ERI1: variants seen among roughly 807,000 people sequenced by gnomAD.
The protein encoded by ERI1 is 3'-5' exoribonuclease 1.
A neutral mutation model predicts 39.7 loss-of-function variants in ERI1; 39 were observed. The observed-to-expected ratio is 0.98, with a 90% CI of 0.76 to 1.28. ERI1 has a LOEUF of 1.28. ERI1 is among the 50% of genes most tolerant of loss of function. The pLI is 0.00. For synonymous variants in ERI1, 204 were observed against 149.6 expected (o/e 1.36, Z -2.65); for missense variants, 581 against 416.9 (o/e 1.39, Z -3.43).
At position 9,031,340 on chromosome 8, in the gene ERI1, A is replaced by G. The variant is rs1295124408; in HGVS notation, c.*1306A>G. 4.6e-5 allele frequency: 7 copies of G among 152,216 alleles called. No individual in the cohort carries two copies. Among genetic ancestry groups the G allele is most frequent in the Non-Finnish European group, 7.3e-5 (5 of 68,042 alleles). 9.4% of individuals were successfully genotyped at this position (152,216 alleles called of 1,614,324 possible). A position where few individuals can be genotyped will look rare whatever the true frequency, so the allele number is the denominator to read the frequency against. On this transcript the variant is annotated 3_prime_UTR_variant, in exon 7 of 7. Coordinates refer to ENST00000250263, the MANE Select transcript of ERI1 (RefSeq NM_153332.4). Reference sequence around the variant, plus strand: ...ATAGGGCAGTAGATTTCTTAAGCCAATGAATTTCTGCTTTTCAGCAGTAGT... The same window carrying G: ...ATAGGGCAGTAGATTTCTTAAGCCAGTGAATTTCTGCTTTTCAGCAGTAGT...
chr8:9,095,488 GTTGTTGT>G (rs898649063), intron 3 of ERI1, among the ~76,000 whole-genome samples: 8 of 107,704 alleles, frequency 7.4e-5, no homozygotes, highest in African/African-American at 2.6e-4. Flanking sequence ...GTCTTTTGTT[GTTGTTGT>G]TTGTTTGTTT....
chr8:9,097,866 C>T (rs1563104295), intron 3 of ERI1, among the ~76,000 whole-genome samples: 1 of 151,824 alleles, frequency 6.6e-6, no homozygotes, highest in Non-Finnish European at 1.5e-5. Context: ...CTTAACAACC[C>T]AAATGCCCGT....
chr8:9,063,934 G>T (rs901586250), intron 3 of ERI1, among the ~76,000 whole-genome samples: 1 of 151,950 alleles, frequency 6.6e-6, no homozygotes, highest in Non-Finnish European at 1.5e-5. Flanking sequence ...GTGGAAGGTT[G>T]CCCATAGTGA....
At chr8:9,058,449 A>G (rs1216226298) in intron 3 of ERI1, among the ~76,000 whole-genome samples, 1 of 152,230 alleles carries the variant, frequency 6.6e-6, no homozygotes, top group Non-Finnish European at 1.5e-5. Flanking sequence ...GTGAGAATTC[A>G]GAAGGGGCAA....
intron 3 of ERI1, among the ~76,000 whole-genome samples, chr8:9,061,192 T>C (rs1262308748): frequency 6.6e-6 from 1 of 152,118 alleles, no homozygotes; most frequent in Non-Finnish European, 1.5e-5. Flanking sequence ...CTGCCATCAA[T>C]AAACTAAATG....
intron 6 of ERI1, among the ~76,000 whole-genome samples, chr8:9,026,671 C>T (rs1797185954): frequency 6.6e-6 from 1 of 152,110 alleles, no homozygotes; most frequent in Non-Finnish European, 1.5e-5. Flanking sequence ...ACTTTCTGGG[C>T]ACTGACATTG....
intron 3 of ERI1, among the ~76,000 whole-genome samples, chr8:9,015,722 C>CAAAAAAAA (rs758835506): frequency 0.058 from 3,295 of 56,460 alleles, 323 homozygotes; most frequent in Non-Finnish European, 0.079. Flanking sequence ...ACTCTGTCTC[C>CAAAAAAAA]AAAAAAAAAA....
At chr8:9,022,419 G>C (rs1422771503) in intron 6 of ERI1, among the ~76,000 whole-genome samples, 2 of 152,040 alleles carry the variant, frequency 1.3e-5, no homozygotes, top group Non-Finnish European at 2.9e-5. Flanking sequence ...ATTTGTCTTT[G>C]AGATGAAGTC....
chr8:9,040,693 TAATAA>T (rs1280092200), intron 3 of ERI1, among the ~76,000 whole-genome samples: 4 of 150,800 alleles, frequency 2.7e-5, no homozygotes, highest in Non-Finnish European at 4.4e-5. Flanking sequence ...TTTTGTATGT[TAATAA>T]AATGTTTTCA....
chr8:9,040,729 T>TG (rs5889257), intron 3 of ERI1, among the ~76,000 whole-genome samples: 1,668 of 148,182 alleles, frequency 0.011, 7 homozygotes, highest in Non-Finnish European at 0.013. Flanking sequence ...AGTGTGTGTG[T>TG]GGGGGGGGGG....
chr8:9,011,652 T>C lies in ERI1; in HGVS notation c.398T>C (p.Ile133Thr), dbSNP rs751515029. 1.9e-5 allele frequency: 30 copies of C among 1,613,540 alleles called. No homozygotes were observed. Among genetic ancestry groups the C allele is most frequent in the Non-Finnish European group, 2.5e-5 (29 of 1,179,660 alleles). The change falls in exon 3 of 7, where the codon ATT (isoleucine) becomes ACT (threonine). Residue 133 changes from isoleucine (I) to threonine (T), a missense_variant. Physicochemically the swap from Ile to Thr is moderately conservative, Grantham distance 89. Transcript: ENST00000250263. ...AGTTATTATGACTACATTTGTATTA[T>C]TGACTTTGAAGCCACTTGTGAAGAA... ...ADSYYDYICI[I>T]DFEATCEEGN...
chr8:9,085,502 C>G (rs1426363819), intron 3 of ERI1, among the ~76,000 whole-genome samples: 2 of 152,046 alleles, frequency 1.3e-5, no homozygotes, highest in Admixed American at 6.6e-5. Flanking sequence ...GCCACCGCGC[C>G]CGGCCCTACC....
At chr8:9,045,152 C>T (rs573023333) in intron 3 of ERI1, among the ~76,000 whole-genome samples, 16 of 144,692 alleles carry the variant, frequency 1.1e-4, no homozygotes, top group Middle Eastern at 3.8e-3. Flanking sequence ...AGGAGAATGG[C>T]GTGAACCAGG....
At chr8:9,098,138 C>A (rs1371325481) in intron 3 of ERI1, among the ~76,000 whole-genome samples, 1 of 152,204 alleles carries the variant, frequency 6.6e-6, no homozygotes, top group Non-Finnish European at 1.5e-5. Context: ...AATTCCAGCA[C>A]TTTGGGAGGC....
At chr8:9,093,675 C>T (rs1799782745) in intron 3 of ERI1, among the ~76,000 whole-genome samples, 1 of 152,206 alleles carries the variant, frequency 6.6e-6, no homozygotes, top group African/African-American at 2.4e-5. Flanking sequence ...TCTAGCAATT[C>T]TCCTTCCTCA....
chr8:9,065,629 A>T (rs1028504252), intron 3 of ERI1, among the ~76,000 whole-genome samples: 8 of 143,606 alleles, frequency 5.6e-5, no homozygotes, highest in African/African-American at 2.1e-4. Context: ...CGGGAGGCGG[A>T]GCTTGCAGTG....
At chr8:9,008,967 T>C (rs1259420379) in intron 2 of ERI1, 1 of 455,132 alleles carries the variant, frequency 2.2e-6, no homozygotes, top group East Asian at 6.9e-5. Context: ...ATTTCTAGAT[T>C]GTCTACATCA....
chr8:9,087,561 T>G (rs1306549033), intron 3 of ERI1, among the ~76,000 whole-genome samples: 1 of 152,062 alleles, frequency 6.6e-6, no homozygotes, highest in Non-Finnish European at 1.5e-5. Context: ...CTGCCCTTAT[T>G]TTTATTTTGA....
intron 3 of ERI1, among the ~76,000 whole-genome samples, chr8:9,070,125 G>C (rs1181272048): frequency 6.6e-6 from 1 of 151,986 alleles, no homozygotes; most frequent in Non-Finnish European, 1.5e-5. Flanking sequence ...TGTAATCCCA[G>C]CTACTCTGGA....
Sources: allele counts gnomAD v4.1 joint callset (sites outside exome capture counted in the v4.1 genomes callset), GRCh38; gene constraint gnomAD v4.1.1; transcripts MANE v1.5; gene names NCBI Gene and HGNC (gene_info 2026-07-23, HGNC 2026-07-21).